Variants in MCC observed in about 807,000 individuals in gnomAD.
MCC encodes MCC regulator of Wnt signaling pathway.
Under a neutral mutation model 116.2 loss-of-function variants are expected in MCC, and 90 were observed. That is an observed-to-expected ratio of 0.77 (90% CI 0.65 to 0.92). The LOEUF (loss-of-function observed/expected upper bound fraction) is 0.92. MCC is among the 40% of genes least tolerant of loss of function. MCC has a pLI of 0.00. For missense variants in MCC, 1,516 were observed against 1,312.2 expected, an observed-to-expected ratio of 1.16 and a Z score of -2.40; for synonymous variants, 578 against 510.5, an observed-to-expected ratio of 1.13 and a Z score of -1.78.
chr5:113,249,919 T>C (rs1161612899), intron 3 of MCC, among the ~76,000 whole-genome samples: 1 of 152,154 alleles, frequency 6.6e-6, no homozygotes, highest in Admixed American at 6.5e-5. Flanking sequence ...GCCATGTTAA[T>C]AGCCTCTTCA....
intron 11 of MCC, 98 bp from the exon 12 acceptor site, chr5:113,071,332 G>C (rs988181415): frequency 9.0e-5 from 117 of 1,292,826 alleles, no homozygotes; most frequent in Admixed American, 2.0e-5. Flanking sequence ...AGCATGTGAG[G>C]ATGTGGGCCT....
chr5:113,373,668 C>T (rs537944915), intron 2 of MCC, among the ~76,000 whole-genome samples: 1 of 152,270 alleles, frequency 6.6e-6, no homozygotes, highest in African/African-American at 2.4e-5. Context: ...ACAGATTCTT[C>T]CTCTATTTCT....
At chr5:113,478,040 A>G (rs1772279782) in intron 1 of MCC, among the ~76,000 whole-genome samples, 1 of 152,208 alleles carries the variant, frequency 6.6e-6, no homozygotes, top group South Asian at 2.1e-4. Context: ...TGGAACTTCT[A>G]GAGGTGAAAA....
chr5:113,415,202 T>C (rs943566599), intron 1 of MCC, among the ~76,000 whole-genome samples: 23 of 152,302 alleles, frequency 1.5e-4, no homozygotes, highest in Middle Eastern at 3.4e-3. Context: ...CCTTAACATT[T>C]TTTCCTTCAT....
intron 4 of MCC, among the ~76,000 whole-genome samples, chr5:113,149,014 T>C (rs1471396664): frequency 6.6e-6 from 1 of 152,220 alleles, no homozygotes; most frequent in Non-Finnish European, 1.5e-5. Context: ...AAAGCTGTCT[T>C]TGTAGGCTTA....
rs191920293 is a variant in MCC at position 113,261,780 on chromosome 5, G to A, written c.627+78739C>T. Among the ~76,000 whole-genome samples the A allele has an allele frequency of 2.4e-4, 36 of 149,178 alleles. No homozygotes were observed. In the Admixed American group the frequency reaches 2.6e-3, roughly 11 times the overall value. ...GGTATAAAGAAGCATGAATTTACAG[G>A]TTCTTCCTAAAAGCACTCTCCGTTT... On this transcript the variant is annotated intron_variant, in intron 3 of 18. Transcript: ENST00000408903.
chr5:113,340,713 TG>T lies in MCC; in HGVS notation c.432del (p.Arg145GlyfsTer55), dbSNP rs1219336867. ...SDNSLGALSA[A>X]RESWEYDSGA... ...CCAGAGTCGTATTCCCAGCTCTCCC[TG>T]GCTGCTGATAAGGCACCTAAGTCCG... is the stretch of plus-strand genomic sequence containing the variant. On this transcript the variant is annotated frameshift_variant, in exon 3 of 19. Coordinates refer to ENST00000408903, the MANE Select transcript of MCC (RefSeq NM_001085377.2). LOFTEE classifies it high-confidence loss of function. 6.2e-7 allele frequency: 1 copy of T among 1,613,410 alleles called. No homozygotes were observed. The highest frequency in any genetic ancestry group is 8.5e-7 in the Non-Finnish European group (1 of 1,179,986).
intron 6 of MCC, among the ~76,000 whole-genome samples, chr5:113,112,352 C>A (rs1159460032): frequency 6.6e-6 from 1 of 152,128 alleles, no homozygotes; most frequent in Non-Finnish European, 1.5e-5. Flanking sequence ...AGACTTCTCC[C>A]ATGTTGTTCT....
chr5:113,100,445 C>T (rs1157124860), intron 8 of MCC, among the ~76,000 whole-genome samples: 1 of 149,046 alleles, frequency 6.7e-6, no homozygotes, highest in African/African-American at 2.5e-5. Context: ...ATGATGAGAC[C>T]CACTAGATGT....
Position 113,084,126 on chromosome 5 carries a change from A to C in MCC, c.1610T>G (p.Leu537Arg). 6.2e-7 allele frequency: 1 copy of C among 1,614,202 alleles called. No homozygotes were observed. The highest frequency in any genetic ancestry group is 8.5e-7 in the Non-Finnish European group (1 of 1,180,010). The change falls in exon 10 of 19, where the codon CTG (leucine) becomes CGG (arginine). Residue 537 changes from leucine to arginine, a missense_variant. Physicochemically the swap from Leu to Arg is moderately radical, Grantham distance 102. Transcript: ENST00000408903. Reference sequence around the variant, plus strand: ...CCCTATGCTACTGATTTCTGAGCCCAGGACTGGCCGATCAGATGATGACGA... The same window carrying C: ...CCCTATGCTACTGATTTCTGAGCCCCGGACTGGCCGATCAGATGATGACGA... ...SESSSSDRPV[L>R]GSEISSIGVS...
At chr5:113,190,405 T>C (rs1184790859) in intron 3 of MCC, among the ~76,000 whole-genome samples, 1 of 152,116 alleles carries the variant, frequency 6.6e-6, no homozygotes, top group African/African-American at 2.4e-5. Flanking sequence ...CAAAATCACA[T>C]GCGGAAGGAG....
rs759867210 is a variant in MCC, at chr5:113,434,702, C to A, written c.171-49490G>T. 6.2e-7 allele frequency: 1 copy of A among 1,614,070 alleles called. No homozygotes were observed. Among genetic ancestry groups the A allele is most frequent in the Non-Finnish European group, 8.5e-7 (1 of 1,179,940 alleles). On this transcript the variant is annotated intron_variant, in intron 1 of 18. Transcript: ENST00000408903. This position sits in a 1 kb window ranked among gnomAD's most constrained non-coding sequence, Gnocchi z 4.2. ...TCTCCAAGAAGTCTGCGGGGGCCTT[C>A]TTGCGGTCGATGATCTTGATCGCCA...
intron 3 of MCC, among the ~76,000 whole-genome samples, chr5:113,335,869 T>G (rs925116348): frequency 1.3e-5 from 2 of 151,784 alleles, no homozygotes; most frequent in African/African-American, 4.9e-5. Context: ...GAAGTCATAC[T>G]TTTTATGCTC....
At chr5:113,100,853 T>G (rs1756362480) in intron 8 of MCC, among the ~76,000 whole-genome samples, 1 of 152,122 alleles carries the variant, frequency 6.6e-6, no homozygotes. Context: ...CTTCTAATAT[T>G]GCCAAGACCA....
At chr5:113,391,829 T>C (rs1011057693) in intron 1 of MCC, among the ~76,000 whole-genome samples, 4 of 152,150 alleles carry the variant, frequency 2.6e-5, no homozygotes, top group African/African-American at 7.2e-5. Context: ...ACCAAGACTT[T>C]GCCTCTGGGG....
intron 6 of MCC, among the ~76,000 whole-genome samples, chr5:113,118,204 A>G (rs772187896): frequency 6.6e-6 from 1 of 152,242 alleles, no homozygotes; most frequent in Non-Finnish European, 1.5e-5. Flanking sequence ...TGAGCAAAGC[A>G]TGTTAGTTGG....
intron 5 of MCC, among the ~76,000 whole-genome samples, chr5:113,124,064 G>A (rs987861744): frequency 6.6e-6 from 1 of 152,118 alleles, no homozygotes; most frequent in African/African-American, 2.4e-5. Flanking sequence ...CCCAGGAAAG[G>A]GATTCAGCTG....
chr5:113,295,525 T>C (rs1766683867), intron 3 of MCC, among the ~76,000 whole-genome samples: 1 of 152,112 alleles, frequency 6.6e-6, no homozygotes, highest in African/African-American at 2.4e-5. Context: ...CCCCCATCCC[T>C]TGAAAGATGT....
At chr5:113,031,762 C>T (rs376460055) in intron 17 of MCC, among the ~76,000 whole-genome samples, 2 of 152,084 alleles carry the variant, frequency 1.3e-5, no homozygotes, top group Admixed American at 6.6e-5. Flanking sequence ...CGCTTCCTTC[C>T]CCAGCACCCA....
Sources: gnomAD v4.1 joint callset for allele counts (sites outside exome capture counted in the v4.1 genomes callset) on GRCh38, gnomAD v4.1.1 for gene constraint, Gnocchi (gnomAD v3.1) non-coding constraint, MANE v1.5 for transcripts, NCBI Gene and HGNC (gene_info 2026-07-23, HGNC 2026-07-21) for gene names.